PUM2: variants seen among roughly 807,000 people sequenced by gnomAD.
PUM2 encodes the protein pumilio homolog 2.
A neutral mutation model predicts 124.5 loss-of-function variants in PUM2; 57 were observed. The observed-to-expected ratio is 0.46, with a 90% CI of 0.37 to 0.57. PUM2 has a LOEUF of 0.57. Among genes scored for constraint, PUM2 ranks in the 20% least tolerant of loss-of-function variants. The pLI, the probability that PUM2 is intolerant of heterozygous loss-of-function variation, is 0.00. For synonymous variants in PUM2, 460 were observed against 446.1 expected (o/e 1.03, Z -0.39); for missense variants, 1,065 against 1,290.6 (o/e 0.83, Z 2.68).
At chr2:20,338,617 G>C (rs1686604828) in intron 1 of PUM2, among the ~76,000 whole-genome samples, 2 of 151,960 alleles carry the variant, frequency 1.3e-5, no homozygotes, top group South Asian at 4.1e-4. Context: ...TCAGAACTAG[G>C]AAAGAAAAAA....
At chr2:20,276,223 TG>T (rs1558526604) in intron 13 of PUM2, among the ~76,000 whole-genome samples, 1 of 151,684 alleles carries the variant, frequency 6.6e-6, no homozygotes, top group Non-Finnish European at 1.5e-5. Context: ...TAAAAATACA[TG>T]TGTTGGTTAT....
chr2:20,264,379 T>C (rs867160465), intron 13 of PUM2, among the ~76,000 whole-genome samples: 1 of 107,924 alleles, frequency 9.3e-6, no homozygotes, highest in African/African-American at 4.0e-5. Context: ...TATATATATA[T>C]ATATATATAT....
chr2:20,274,081 T>A (rs1457247533), intron 13 of PUM2, among the ~76,000 whole-genome samples: 1 of 152,192 alleles, frequency 6.6e-6, no homozygotes, highest in African/African-American at 2.4e-5. Flanking sequence ...TAGCCTTAAT[T>A]CTGTTATTCA....
In PUM2 at chr2:20,308,564, T is replaced by A; in HGVS notation, c.539A>T (p.Gln180Leu). 1 of 1,613,234 alleles carries A rather than the reference T, an allele frequency of 6.2e-7. No individual in the cohort carries two copies. Among genetic ancestry groups the A allele is most frequent in the South Asian group, 1.1e-5 (1 of 90,980 alleles). Residue 180 changes from glutamine to leucine, a missense_variant, in exon 6 of 21, where the codon CAA becomes CTA. Physicochemically the swap from Gln to Leu is moderately radical, Grantham distance 113 (BLOSUM62 -2). Coordinates refer to ENST00000361078, the MANE Select transcript of PUM2 (RefSeq NM_015317.5). ...KDFNRTPGSRQASPTEVVERL... is the reference protein window; with the variant it reads ...KDFNRTPGSRLASPTEVVERL... ...CTCAACTACTTCAGTTGGAGAGGCT[T>A]GACGACTTCCAGGAGTACGACTACA...
At chr2:20,337,353 G>C (rs772992388) in intron 1 of PUM2, among the ~76,000 whole-genome samples, 1 of 152,164 alleles carries the variant, frequency 6.6e-6, no homozygotes, top group African/African-American at 2.4e-5. Flanking sequence ...ATTTATGCTT[G>C]AAATGGCATA....
Position 20,278,187 on chromosome 2 carries a change from G to A in PUM2, c.1957+396C>T, listed in dbSNP as rs577312875. Among the ~76,000 whole-genome samples the A allele has an allele frequency of 3.3e-5, 5 of 152,264 alleles. No homozygotes were observed. The East Asian group carries it at 5.8e-4, about 18-fold the overall frequency. ...TAGAAAGACCAAAGCAAAAACCAGT[G>A]TACTAACCTAGTTCAGTAGCTATGT... On this transcript the variant is annotated intron_variant, in intron 13 of 20. Coordinates refer to ENST00000361078, the MANE Select transcript of PUM2 (RefSeq NM_015317.5).
At position 20,251,418 on chromosome 2, in the gene PUM2, T is replaced by G; in HGVS notation, c.*167A>C. The stretch of plus-strand genomic sequence containing the variant: ...TATAATTCATCCCCCACCCCCCAAA[T>G]ATACACAAGAACCTTAAAAAATTTA... On this transcript the variant is annotated 3_prime_UTR_variant, in exon 21 of 21. Transcript: ENST00000361078. 1 of 785,700 alleles carries G rather than the reference T, an allele frequency of 1.3e-6. No individual in the cohort carries two copies. The highest frequency in any genetic ancestry group is 1.9e-6 in the Non-Finnish European group (1 of 527,336). The allele number at this position is 785,700 out of a possible 1,614,324, so 48.7% of individuals were successfully genotyped here.
chr2:20,281,415 G>C (rs564737311), intron 12 of PUM2, among the ~76,000 whole-genome samples: 101 of 152,298 alleles, frequency 6.6e-4, no homozygotes, highest in African/African-American at 2.4e-3. Flanking sequence ...CTAGAAATCT[G>C]AACCAGACGA....
At chr2:20,303,916 C>G (rs567456161) in intron 7 of PUM2, among the ~76,000 whole-genome samples, 53 of 152,338 alleles carry the variant, frequency 3.5e-4, no homozygotes, top group Non-Finnish European at 7.4e-4. Flanking sequence ...TGAAAATACT[C>G]TTACATTCTT....
At chr2:20,281,880 T>C (rs572943320) in intron 12 of PUM2, among the ~76,000 whole-genome samples, 1 of 152,318 alleles carries the variant, frequency 6.6e-6, no homozygotes, top group South Asian at 2.1e-4. Flanking sequence ...CCTTCCTGTA[T>C]ATATGAATGA....
At chr2:20,263,570 T>C in intron 13 of PUM2, 110 bp from the exon 14 acceptor site, 1 of 1,256,468 alleles carries the variant, frequency 8.0e-7, no homozygotes, top group Non-Finnish European at 1.1e-6. Flanking sequence ...CCCCCACTAA[T>C]TCCTACTTGT....
chr2:20,345,007 AAAG>A (rs1445727140), intron 1 of PUM2, among the ~76,000 whole-genome samples: 2 of 147,172 alleles, frequency 1.4e-5, no homozygotes, highest in East Asian at 2.0e-4. Flanking sequence ...AAAAAAAAGA[AAAG>A]AAGATTCCGC....
intron 13 of PUM2, among the ~76,000 whole-genome samples, chr2:20,268,455 T>C (rs1022147539): frequency 6.6e-6 from 1 of 151,910 alleles, no homozygotes; most frequent in African/African-American, 2.4e-5. Context: ...CCACTATATG[T>C]ATGTGTAAAA....
intron 13 of PUM2, among the ~76,000 whole-genome samples, chr2:20,267,026 C>CTTTTTTTTTTTTTTTT (rs373222999): frequency 1.1e-4 from 16 of 142,812 alleles, no homozygotes; most frequent in African/African-American, 4.1e-4. Flanking sequence ...ATGCCTGTAA[C>CTTTTTTTTTTTTTTTT]TTTTTTTTTT....
chr2:20,296,473 C>G (rs1244330707), intron 8 of PUM2, among the ~76,000 whole-genome samples: 1 of 148,044 alleles, frequency 6.8e-6, no homozygotes, highest in African/African-American at 2.5e-5. Flanking sequence ...CCAGCCTGGG[C>G]AACAGAGCGA....
In PUM2 at chr2:20,251,480, TA is replaced by T. The variant is rs977304134; in HGVS notation, c.*104del. The T allele has an allele frequency of 2.1e-4, 276 of 1,315,382 alleles. No homozygotes were observed. Among genetic ancestry groups the T allele is most frequent in the African/African-American group, 3.1e-4 (21 of 67,098 alleles). The allele number at this position is 1,315,382 out of a possible 1,614,324, so 81.5% of individuals were successfully genotyped here. On this transcript the variant is annotated 3_prime_UTR_variant, in exon 21 of 21. Coordinates refer to ENST00000361078, the MANE Select transcript of PUM2 (RefSeq NM_015317.5). ...ATAAAGTCAATAAATAGTTTTGCTT[TA>T]AAAAAAAATTGAAGATTCATAGTTG...
intron 14 of PUM2, among the ~76,000 whole-genome samples, chr2:20,261,530 T>TG (rs1666275972): frequency 7.2e-6 from 1 of 139,040 alleles, no homozygotes; most frequent in South Asian, 2.3e-4. Context: ...TCCACTTGTT[T>TG]AAAAAAAAAA....
intron 15 of PUM2, among the ~76,000 whole-genome samples, chr2:20,259,533 G>GT (rs1665658879): frequency 6.6e-6 from 1 of 152,154 alleles, no homozygotes; most frequent in Non-Finnish European, 1.5e-5. Context: ...CACTATCAAT[G>GT]TTTGTCCTTT....
intron 10 of PUM2, among the ~76,000 whole-genome samples, chr2:20,283,780 GA>G (rs951381516): frequency 5.4e-5 from 8 of 148,610 alleles, no homozygotes; most frequent in African/African-American, 1.5e-4. Flanking sequence ...GCTGATATTA[GA>G]AAAAAAAAAT....
Sources: allele counts gnomAD v4.1 joint callset (sites outside exome capture counted in the v4.1 genomes callset), GRCh38; gene constraint gnomAD v4.1.1; transcripts MANE v1.5; gene names NCBI Gene and HGNC (gene_info 2026-07-23, HGNC 2026-07-21).